The following RAB20 variants were observed in gnomAD, a reference collection of about 807,000 sequenced individuals.
RAB20 encodes RAB20, member RAS oncogene family.
In RAB20, 2 loss-of-function variants were observed where a neutral mutation model predicts 3.7. The ratio of observed to expected loss-of-function variants is 0.54; its 90% confidence interval spans 0.22 to 1.69. The LOEUF is 1.69. Ranked by LOEUF, RAB20 falls within the 40% of genes most tolerant of loss-of-function variation. The pLI is 0.19. For missense variants in RAB20, 276 were observed against 311.9 expected (o/e 0.88, Z 0.87); for synonymous variants, 126 against 130.8 (o/e 0.96, Z 0.25).
chr13:110,556,295 G>A (rs1885037718), intron 1 of RAB20, among the ~76,000 whole-genome samples: 1 of 152,210 alleles, frequency 6.6e-6, no homozygotes, highest in Non-Finnish European at 1.5e-5. Context: ...AAGCAGAGGG[G>A]CTGGTTCAGA....
intron 1 of RAB20, among the ~76,000 whole-genome samples, chr13:110,547,169 C>T (rs920438361): frequency 1.3e-5 from 2 of 152,210 alleles, no homozygotes; most frequent in Non-Finnish European, 2.9e-5. Context: ...GCGGTCTACA[C>T]GGCGCCTCCT....
rs772491870 is a variant in RAB20 at position 110,555,710 on chromosome 13, C to T, written c.172+5638G>A. Among the ~76,000 whole-genome samples the T allele has an allele frequency of 6.6e-6, 1 of 152,216 alleles. No individual in the cohort carries two copies. The highest frequency in any genetic ancestry group is 1.5e-5 in the Non-Finnish European group (1 of 68,046). On this transcript the variant is annotated intron_variant, in intron 1 of 1. Transcript: ENST00000267328. The surrounding 1 kb of genome is among the most constrained non-coding windows in gnomAD (Gnocchi z 4.0). ...ACCAGTCATCAGCCGGCCCCCTGCTCGACTCCAAACAGCAAAGGAAGAAAT... is the reference window on the plus strand; with the variant it reads ...ACCAGTCATCAGCCGGCCCCCTGCTTGACTCCAAACAGCAAAGGAAGAAAT...
chr13:110,551,830 C>T (rs565012102), intron 1 of RAB20, among the ~76,000 whole-genome samples: 9 of 151,142 alleles, frequency 6.0e-5, no homozygotes, highest in African/African-American at 1.5e-4. Flanking sequence ...CCTGTAATCT[C>T]GGCACTTGAA....
intron 1 of RAB20, among the ~76,000 whole-genome samples, chr13:110,540,424 T>C (rs1454782363): frequency 6.6e-6 from 1 of 152,246 alleles, no homozygotes; most frequent in African/African-American, 2.4e-5. Flanking sequence ...GAATTATAAA[T>C]ATCATATTAA....
intron 1 of RAB20, among the ~76,000 whole-genome samples, chr13:110,558,471 C>T (rs1002251836): frequency 6.6e-6 from 1 of 151,340 alleles, no homozygotes; most frequent in African/African-American, 2.4e-5. Context: ...GCAACCTCCG[C>T]CTCCAGGGTT....
intron 1 of RAB20, among the ~76,000 whole-genome samples, chr13:110,556,499 A>T (rs1404119707): frequency 1.3e-5 from 2 of 152,164 alleles, no homozygotes; most frequent in African/African-American, 4.8e-5. Flanking sequence ...TGACCTCCAG[A>T]CTACTTAAAG....
intron 1 of RAB20, among the ~76,000 whole-genome samples, chr13:110,551,128 C>G (rs188386427): frequency 1.3e-5 from 2 of 152,076 alleles, no homozygotes; most frequent in Non-Finnish European, 2.9e-5. Context: ...TATCACAGAG[C>G]AAAACATTAC....
chr13:110,560,631 A>G (rs190972301), intron 1 of RAB20, among the ~76,000 whole-genome samples: 23 of 152,256 alleles, frequency 1.5e-4, no homozygotes, highest in Middle Eastern at 3.4e-3. Flanking sequence ...GCAATGCTAC[A>G]ATCACCAGTG....
intron 1 of RAB20, among the ~76,000 whole-genome samples, chr13:110,528,198 C>T (rs1391558025): frequency 6.6e-6 from 1 of 151,974 alleles, no homozygotes; most frequent in Non-Finnish European, 1.5e-5. Flanking sequence ...GGGCGGATCA[C>T]CTGAGTTCGG....
chr13:110,534,785 T>C (rs747176935), intron 1 of RAB20, among the ~76,000 whole-genome samples: 1 of 152,162 alleles, frequency 6.6e-6, no homozygotes, highest in Non-Finnish European at 1.5e-5. Context: ...AACAGTAAAA[T>C]AGGAAAAATA....
At chr13:110,545,408 C>A (rs1421321834) in intron 1 of RAB20, among the ~76,000 whole-genome samples, 1 of 152,228 alleles carries the variant, frequency 6.6e-6, no homozygotes, top group African/African-American at 2.4e-5. Context: ...CCCTTCTCTT[C>A]CTCACAGCAA....
intron 1 of RAB20, among the ~76,000 whole-genome samples, chr13:110,553,326 T>A (rs1477695206): frequency 6.6e-6 from 1 of 152,204 alleles, no homozygotes; most frequent in Admixed American, 6.5e-5. Context: ...AGTAGAAACT[T>A]GAGAGCTGCT....
intron 1 of RAB20, among the ~76,000 whole-genome samples, chr13:110,546,362 A>C (rs1884849384): frequency 1.3e-5 from 2 of 152,226 alleles, no homozygotes; most frequent in African/African-American, 4.8e-5. Flanking sequence ...TGATTCATCT[A>C]AAAAGAAAAC....
chr13:110,542,790 C>T (rs2139583454), intron 1 of RAB20, among the ~76,000 whole-genome samples: 1 of 152,332 alleles, frequency 6.6e-6, no homozygotes, highest in East Asian at 1.9e-4. Context: ...CTGAGAAATA[C>T]TGATTTCCTT....
At position 110,524,129 on chromosome 13, in the gene RAB20, C is replaced by A. The variant is rs1397852034; in HGVS notation, c.241G>T (p.Asp81Tyr). ...RGAAAIILTY[D>Y]VNHRQSLVEL... ...ACCAGGCTCTGCCGGTGATTCACAT[C>A]ATAGGTGAGGATGATGGCGGCCGCC... Residue 81 changes from aspartate (D) to tyrosine (Y), a missense_variant, in exon 2 of 2, where the codon GAT becomes TAT. Coordinates refer to ENST00000267328, the MANE Select transcript of RAB20 (RefSeq NM_017817.3). The A allele has an allele frequency of 3.1e-6, 5 of 1,611,598 alleles. No individual in the cohort carries two copies. Among genetic ancestry groups the A allele is most frequent in the Non-Finnish European group, 4.2e-6 (5 of 1,179,994 alleles).
intron 1 of RAB20, among the ~76,000 whole-genome samples, chr13:110,549,125 C>T (rs1221261520): frequency 6.6e-6 from 1 of 152,184 alleles, no homozygotes; most frequent in Non-Finnish European, 1.5e-5. Flanking sequence ...AGCGGTTAGG[C>T]CAGAGGGAGG....
chr13:110,526,976 G>A (rs989823478), intron 1 of RAB20, among the ~76,000 whole-genome samples: 7 of 152,136 alleles, frequency 4.6e-5, no homozygotes, highest in African/African-American at 9.7e-5. Flanking sequence ...CTCGGGGGCC[G>A]AGGGGTCTTG....
intron 1 of RAB20, among the ~76,000 whole-genome samples, chr13:110,539,895 A>G (rs1566587339): frequency 6.6e-6 from 1 of 152,176 alleles, no homozygotes; most frequent in African/African-American, 2.4e-5. Flanking sequence ...TGCATGTGTC[A>G]TTTCTGTTGT....
chr13:110,527,506 T>C (rs899568929), intron 1 of RAB20, among the ~76,000 whole-genome samples: 1 of 152,186 alleles, frequency 6.6e-6, no homozygotes, highest in Non-Finnish European at 1.5e-5. Flanking sequence ...GTGCGAGAGC[T>C]ACCCGGGTCA....
Sources: gnomAD v4.1 joint callset for allele counts (sites outside exome capture counted in the v4.1 genomes callset) on GRCh38, gnomAD v4.1.1 for gene constraint, Gnocchi (gnomAD v3.1) non-coding constraint, MANE v1.5 for transcripts, NCBI Gene and HGNC (gene_info 2026-07-23, HGNC 2026-07-21) for gene names.